Variants in TMC1 observed in about 807,000 individuals in gnomAD.
The protein encoded by TMC1 is transmembrane channel like 1, also known as transmembrane channel-like protein 1.
A neutral mutation model predicts 105.8 loss-of-function variants in TMC1; 84 were observed. That is an observed-to-expected ratio of 0.79 (90% CI 0.67 to 0.95). The LOEUF is 0.95. Among genes scored for constraint, TMC1 ranks in the 40% least tolerant of loss-of-function variants. TMC1 has a pLI of 0.00. For missense variants in TMC1, 817 were observed against 914.1 expected (o/e 0.89, Z 1.37); for synonymous variants, 315 against 311.5 (o/e 1.01, Z -0.12).
chr9:72,779,368 T>C (rs546330094), intron 13 of TMC1, among the ~76,000 whole-genome samples: 1 of 152,326 alleles, frequency 6.6e-6, no homozygotes, highest in South Asian at 2.1e-4. Context: ...GTGTTCTCAC[T>C]TCCAAATGAC....
rs1206947943 is a variant in TMC1 at position 72,538,391 on chromosome 9, A to ATGTATTGTATTG, written c.-428+16479_-428+16480insGTATTGTATTGT. Among the ~76,000 whole-genome samples, 13 of 107,792 alleles carry ATGTATTGTATTG rather than the reference A, an allele frequency of 1.2e-4. No individual in the cohort carries two copies. In the East Asian group the frequency reaches 1.3e-3, roughly 11 times the overall value. 70.7% of individuals were successfully genotyped at this position (107,792 alleles called of 152,430 possible). ...TCAAATAAATATATTTTGGGATAAA[A>ATGTATTGTATTG]TACTTGTATTGTATTGTATTGTATT... On this transcript the variant is annotated intron_variant, in intron 1 of 23. Transcript: ENST00000297784.
chr9:72,635,316 A>G (rs192627381), intron 4 of TMC1, among the ~76,000 whole-genome samples: 1 of 152,084 alleles, frequency 6.6e-6, no homozygotes, highest in Non-Finnish European at 1.5e-5. Flanking sequence ...TGAGGGCTTC[A>G]TTGCATATAC....
At position 72,835,933 on chromosome 9, in the gene TMC1, T is replaced by TTTTTGTTTTG; in HGVS notation, c.2261-16_2261-15insTTGTTTTGTT. 1 of 1,577,478 alleles carries TTTTTGTTTTG rather than the reference T, an allele frequency of 6.3e-7. No homozygotes were observed. Among genetic ancestry groups the TTTTTGTTTTG allele is most frequent in the Non-Finnish European group, 8.5e-7 (1 of 1,170,180 alleles). On this transcript the variant is annotated splice_polypyrimidine_tract_variant and intron_variant, in intron 23 of 23. Transcript: ENST00000297784. Reference sequence around the variant, plus strand: ...TCTCCTTGTTTTTTTTTTTTTTTTTTTTCTGTTTTGTGAACAGCTGCAGCT... The same window carrying TTTTTGTTTTG: ...TCTCCTTGTTTTTTTTTTTTTTTTTTTTTTGTTTTGTTCTGTTTTGTGAACAGCTGCAGCT...
chr9:72,725,753 C>T (rs181009125), intron 8 of TMC1, among the ~76,000 whole-genome samples: 10 of 152,052 alleles, frequency 6.6e-5, no homozygotes, highest in South Asian at 2.1e-4. Flanking sequence ...TGCAGTGGCA[C>T]GATCTCGGCT....
In TMC1 at chr9:72,648,608, A is replaced by G; in HGVS notation, c.-41A>G. Reference sequence around the variant, plus strand: ...CCTTCATCCTGCAGTCCCTCTCCAAACTAGCCAGCCACTGAGACCTTCTGA... The same window carrying G: ...CCTTCATCCTGCAGTCCCTCTCCAAGCTAGCCAGCCACTGAGACCTTCTGA... On this transcript the variant is annotated 5_prime_UTR_variant, in exon 5 of 24. Coordinates refer to ENST00000297784, the MANE Select transcript of TMC1 (RefSeq NM_138691.3). 1 of 1,606,158 alleles carries G rather than the reference A, an allele frequency of 6.2e-7. No homozygotes were observed. Among genetic ancestry groups the G allele is most frequent in the East Asian group, 2.2e-5 (1 of 44,840 alleles).
intron 10 of TMC1, among the ~76,000 whole-genome samples, chr9:72,751,456 C>A (rs1208311082): frequency 6.6e-6 from 1 of 152,194 alleles, no homozygotes; most frequent in Non-Finnish European, 1.5e-5. Context: ...ATAGTGATAG[C>A]TAATTACTAG....
intron 1 of TMC1, among the ~76,000 whole-genome samples, chr9:72,542,575 G>A (rs150275256): frequency 1.3e-3 from 204 of 152,060 alleles, no homozygotes; most frequent in African/African-American, 4.7e-3. Context: ...AGCTGACATT[G>A]TGCCACTGCG....
chr9:72,725,275 C>T (rs1392032841), intron 8 of TMC1, among the ~76,000 whole-genome samples: 1 of 144,178 alleles, frequency 6.9e-6, no homozygotes, highest in Non-Finnish European at 1.5e-5. Context: ...TATTAGGGTT[C>T]TCTTAGACAA....
intron 12 of TMC1, among the ~76,000 whole-genome samples, chr9:72,759,204 A>G (rs1354354012): frequency 6.6e-6 from 1 of 152,128 alleles, no homozygotes; most frequent in Non-Finnish European, 1.5e-5. Context: ...GTGTGCTCGA[A>G]CAGACTGGAA....
intron 2 of TMC1, among the ~76,000 whole-genome samples, chr9:72,609,168 G>T (rs1045820076): frequency 8.0e-6 from 1 of 125,670 alleles, no homozygotes; most frequent in Non-Finnish European, 1.6e-5. Flanking sequence ...TCCTTCCCTC[G>T]CTTCCTCCTT....
intron 2 of TMC1, among the ~76,000 whole-genome samples, chr9:72,599,095 A>T (rs1824765516): frequency 6.6e-6 from 1 of 152,058 alleles, no homozygotes; most frequent in South Asian, 2.1e-4. Context: ...CAGTGGTGCA[A>T]TCTCAGCTCA....
chr9:72,539,225 A>G (rs1446903669), intron 1 of TMC1, among the ~76,000 whole-genome samples: 12 of 100,832 alleles, frequency 1.2e-4, no homozygotes, highest in Non-Finnish European at 1.4e-4. Flanking sequence ...TCTACAAAAA[A>G]TACAAAAAAA....
intron 5 of TMC1, among the ~76,000 whole-genome samples, chr9:72,659,183 G>C (rs1825931762): frequency 6.6e-6 from 1 of 152,194 alleles, no homozygotes; most frequent in African/African-American, 2.4e-5. Flanking sequence ...TGAGATTACA[G>C]TTTTAATATA....
At chr9:72,758,324 C>T (rs569577814) in intron 12 of TMC1, among the ~76,000 whole-genome samples, 6 of 152,108 alleles carry the variant, frequency 3.9e-5, no homozygotes, top group African/African-American at 1.4e-4. Context: ...AATAATTTCA[C>T]AAGTACATCA....
chr9:72,741,866 G>A (rs1280382153), intron 9 of TMC1, among the ~76,000 whole-genome samples: 1 of 152,132 alleles, frequency 6.6e-6, no homozygotes, highest in African/African-American at 2.4e-5. Context: ...TTTATGACTT[G>A]TTGTCTTCTC....
At chr9:72,580,339 T>C (rs1406284329) in intron 2 of TMC1, among the ~76,000 whole-genome samples, 1 of 152,236 alleles carries the variant, frequency 6.6e-6, no homozygotes, top group Non-Finnish European at 1.5e-5. Flanking sequence ...ATCAGCTCAC[T>C]GTGCAGCCTT....
At chr9:72,661,048 A>G (rs1041886900) in intron 5 of TMC1, among the ~76,000 whole-genome samples, 1 of 152,172 alleles carries the variant, frequency 6.6e-6, no homozygotes, top group African/African-American at 2.4e-5. Flanking sequence ...GCTACTTGGG[A>G]GGCTGAGGCA....
chr9:72,663,840 T>A (rs913594825), intron 5 of TMC1, among the ~76,000 whole-genome samples: 1 of 152,168 alleles, frequency 6.6e-6, no homozygotes, highest in African/African-American at 2.4e-5. Flanking sequence ...TGTACAAACA[T>A]ATTTTCTTTA....
intron 1 of TMC1, among the ~76,000 whole-genome samples, chr9:72,575,958 T>C (rs571495523): frequency 5.3e-5 from 8 of 152,166 alleles, no homozygotes; most frequent in African/African-American, 1.9e-4. Context: ...TCCCATCAGC[T>C]AAACAAGTTT....
Sources: gnomAD v4.1 joint callset for allele counts (sites outside exome capture counted in the v4.1 genomes callset) on GRCh38, gnomAD v4.1.1 for gene constraint, MANE v1.5 for transcripts, NCBI Gene and HGNC (gene_info 2026-07-23, HGNC 2026-07-21) for gene names.